The following DMD variants were observed in gnomAD, a reference collection of about 807,000 sequenced individuals.
The protein encoded by DMD is dystrophin.
A neutral mutation model predicts 330.1 loss-of-function variants in DMD; 63 were observed. The observed-to-expected ratio is 0.19, with a 90% CI of 0.16 to 0.24. The LOEUF is 0.24. Ranked by LOEUF, DMD falls within the 10% of genes least tolerant of loss-of-function variation. The probability of loss-of-function intolerance (pLI) is 1.00; values close to 1 mark genes in which losing one functional copy is unlikely to be tolerated. For synonymous variants in DMD, 1,223 were observed against 959.8 expected, an observed-to-expected ratio of 1.27 and a Z score of -5.07; for missense variants, 3,344 against 2,684.1, an observed-to-expected ratio of 1.25 and a Z score of -5.43.
chrX:33,073,784 A>T (rs777297303), intron 1 of DMD, among the ~76,000 whole-genome samples: 167 of 109,874 alleles, frequency 1.5e-3, no homozygotes, highest in African/African-American at 5.4e-3. Context: ...GTGAGCCGAG[A>T]TCGCATCACC....
intron 54 of DMD, among the ~76,000 whole-genome samples, chrX:31,634,792 G>T (rs757779898): frequency 9.0e-5 from 10 of 111,133 alleles, no homozygotes; most frequent in African/African-American, 3.3e-4. Context: ...AGTAGAAAAT[G>T]TGTTTTCTAC....
intron 12 of DMD, among the ~76,000 whole-genome samples, chrX:32,610,293 C>A (rs2057066355): frequency 9.0e-6 from 1 of 111,182 alleles, no homozygotes; most frequent in Admixed American, 9.6e-5. Flanking sequence ...AGTGGTTTCT[C>A]CCAAATGGTG....
At position 33,020,121 on chromosome X, in the gene DMD, G is replaced by T. The variant is rs1453211650; in HGVS notation, c.93+18C>A. 8.6e-7 allele frequency: 1 copy of T among 1,169,098 alleles called. No individual in the cohort carries two copies. The highest frequency in any genetic ancestry group is 3.0e-5 in the East Asian group (1 of 33,281). On this transcript the variant is annotated intron_variant, in intron 2 of 78. Transcript: ENST00000357033. ...TCACAACTTAGATCTTAAAAGTAAA[G>T]TAACAAACCATTCTTACCTTAGAAA...
At chrX:32,640,236 T>C (rs956353140) in intron 11 of DMD, among the ~76,000 whole-genome samples, 1 of 108,831 alleles carries the variant, frequency 9.2e-6, no homozygotes, top group Non-Finnish European at 1.9e-5. Context: ...CATTTTATAA[T>C]AATTTTGCAT....
chrX:31,492,915 A>G (rs2069447670), intron 57 of DMD, among the ~76,000 whole-genome samples: 2 of 110,631 alleles, frequency 1.8e-5, no homozygotes, highest in African/African-American at 6.6e-5. Context: ...TAGGAGAAAT[A>G]CCTAATGTAG....
At chrX:31,926,840 A>G (rs1396930418) in intron 47 of DMD, among the ~76,000 whole-genome samples, 1 of 111,480 alleles carries the variant, frequency 9.0e-6, no homozygotes, top group Non-Finnish European at 1.9e-5. Context: ...AGGAATTGAC[A>G]TATTCATGTC....
At chrX:31,931,612 T>C (rs1391166118) in intron 46 of DMD, among the ~76,000 whole-genome samples, 1 of 111,368 alleles carries the variant, frequency 9.0e-6, no homozygotes, top group Non-Finnish European at 1.9e-5. Flanking sequence ...TGGATTCTTC[T>C]TTTTAAAGAC....
chrX:31,821,690 T>C (rs1442727831), intron 49 of DMD, among the ~76,000 whole-genome samples: 1 of 112,440 alleles, frequency 8.9e-6, no homozygotes, highest in Non-Finnish European at 1.9e-5. Context: ...ACCTTACCAG[T>C]ATAGTAGCAC....
At chrX:32,967,595 A>G (rs778477463) in intron 2 of DMD, among the ~76,000 whole-genome samples, 1 of 111,556 alleles carries the variant, frequency 9.0e-6, no homozygotes, top group Non-Finnish European at 1.9e-5. Flanking sequence ...CAAACCCATC[A>G]GAGAAAGTCT....
At chrX:32,987,269 C>A (rs1480554817) in intron 2 of DMD, among the ~76,000 whole-genome samples, 1 of 111,833 alleles carries the variant, frequency 8.9e-6, no homozygotes, top group African/African-American at 3.2e-5. Context: ...GCCTCCAATG[C>A]CCGTGTCAGC....
intron 44 of DMD, among the ~76,000 whole-genome samples, chrX:32,087,886 T>G (rs2096450685): frequency 8.9e-6 from 1 of 112,427 alleles, no homozygotes; most frequent in Non-Finnish European, 1.9e-5. Flanking sequence ...AGACAATGAC[T>G]CAGTGTTATT....
At chrX:31,611,082 C>CT (rs1450778173) in intron 55 of DMD, among the ~76,000 whole-genome samples, 1 of 91,935 alleles carries the variant, frequency 1.1e-5, no homozygotes, top group Non-Finnish European at 2.0e-5. Flanking sequence ...CTTGCAGAAT[C>CT]ATTTTTTTTT....
In DMD at chrX:31,204,017, C is replaced by T; in HGVS notation, c.9751G>A (p.Val3251Ile). 1 of 1,210,582 alleles carries T rather than the reference C, an allele frequency of 8.3e-7. No individual in the cohort carries two copies. The highest frequency in any genetic ancestry group is 1.1e-6 in the Non-Finnish European group (1 of 894,129). Residue 3251 changes from valine to isoleucine, a missense_variant, in exon 67 of 79, where the codon GTT (valine) becomes ATT (isoleucine). By Grantham distance (29) the Val-to-Ile change is conservative (BLOSUM62 3). Transcript: ENST00000357033. ...SIQIPRQLGEVASFGGSNIEP... is the reference protein window; with the variant it reads ...SIQIPRQLGEIASFGGSNIEP... ...ATGTTACTGCCCCCAAAGGATGCAA[C>T]TTCACCCAACTGTCTTGGAATTTGG...
intron 13 of DMD, among the ~76,000 whole-genome samples, 165 bp downstream of exon 13, chrX:32,595,592 T>G (rs1175492799): frequency 1.8e-5 from 2 of 112,318 alleles, no homozygotes; most frequent in African/African-American, 6.5e-5. Flanking sequence ...ATTATGGAAT[T>G]CTTTAAATCA....
intron 69 of DMD, 109 bp from the exon 70 acceptor site, chrX:31,178,914 T>C (rs2040849040): frequency 2.0e-6 from 2 of 980,586 alleles, no homozygotes; most frequent in Non-Finnish European, 2.8e-6. Context: ...AAGGAGAGTG[T>C]TGTGGTTGTG....
intron 44 of DMD, among the ~76,000 whole-genome samples, chrX:31,997,607 G>T (rs1328379459): frequency 1.8e-5 from 2 of 109,985 alleles, no homozygotes; most frequent in Non-Finnish European, 3.8e-5. Context: ...ATAAAGATTT[G>T]TGCACGTATT....
At chrX:32,749,569 T>A (rs1228650896) in intron 7 of DMD, among the ~76,000 whole-genome samples, 1 of 112,478 alleles carries the variant, frequency 8.9e-6, no homozygotes, top group Non-Finnish European at 1.9e-5. Context: ...CATTTCTTAT[T>A]AGAATTTTCC....
intron 34 of DMD, among the ~76,000 whole-genome samples, chrX:32,375,142 C>T (rs16990277): frequency 0.02 from 2,168 of 110,723 alleles, 51 homozygotes; most frequent in African/African-American, 0.066. Flanking sequence ...TCTCAGTTCT[C>T]GGTTTGCGCT....
chrX:32,801,198 C>CT (rs918713361), intron 7 of DMD, among the ~76,000 whole-genome samples: 1 of 111,470 alleles, frequency 9.0e-6, no homozygotes, highest in Non-Finnish European at 1.9e-5. Context: ...TGTTTCCTGA[C>CT]TTTTTGATGA....
Sources: allele counts gnomAD v4.1 joint callset (sites outside exome capture counted in the v4.1 genomes callset), GRCh38; gene constraint gnomAD v4.1.1; transcripts MANE v1.5; gene names NCBI Gene and HGNC (gene_info 2026-07-23, HGNC 2026-07-21).